PAPPA2: variants seen among roughly 807,000 people sequenced by gnomAD.
The protein encoded by PAPPA2 is pappalysin-2.
Under a neutral mutation model 176.4 loss-of-function variants are expected in PAPPA2, and 86 were observed. The ratio of observed to expected loss-of-function variants is 0.49; its 90% CI spans 0.41 to 0.58. The LOEUF (loss-of-function observed/expected upper bound fraction) is 0.58. Ranked by LOEUF, PAPPA2 falls within the 20% of genes least tolerant of loss-of-function variation. The pLI is 0.00. For missense variants in PAPPA2, 2,073 were observed against 2,256.9 expected (o/e 0.92, Z 1.65); for synonymous variants, 809 against 852.2 (o/e 0.95, Z 0.88).
At chr1:176,727,225 A>G (rs34143300) in intron 12 of PAPPA2, among the ~76,000 whole-genome samples, 12,502 of 152,230 alleles carry the variant, frequency 0.082, 588 homozygotes, top group Middle Eastern at 0.12. Context: ...ACCCACCTAT[A>G]TCATTAATTA....
intron 14 of PAPPA2, among the ~76,000 whole-genome samples, chr1:176,760,813 T>C (rs1663663322): frequency 6.6e-6 from 1 of 152,014 alleles, no homozygotes; most frequent in Admixed American, 6.6e-5. Flanking sequence ...GTTTTTTTGT[T>C]TTTGTTTTTT....
At chr1:176,632,888 G>C (rs1011516170) in intron 3 of PAPPA2, among the ~76,000 whole-genome samples, 4 of 152,022 alleles carry the variant, frequency 2.6e-5, no homozygotes, top group African/African-American at 9.7e-5. Flanking sequence ...CAATCAACAA[G>C]ATGAAGCTGG....
intron 3 of PAPPA2, among the ~76,000 whole-genome samples, chr1:176,621,183 T>A (rs775087128): frequency 6.6e-6 from 1 of 152,236 alleles, no homozygotes; most frequent in South Asian, 2.1e-4. Flanking sequence ...AATCTATTCT[T>A]CTGAGGTTGA....
chr1:176,711,320 G>A (rs941275645), intron 11 of PAPPA2, among the ~76,000 whole-genome samples: 4 of 152,112 alleles, frequency 2.6e-5, no homozygotes, highest in Admixed American at 1.3e-4. Flanking sequence ...AGGGAAGTTG[G>A]GAGATTCTGA....
At chr1:176,501,976 G>A (rs938800636) in intron 1 of PAPPA2, among the ~76,000 whole-genome samples, 5 of 152,112 alleles carry the variant, frequency 3.3e-5, no homozygotes, top group African/African-American at 1.2e-4. Flanking sequence ...GAATACATGA[G>A]TGAAAAAACA....
At chr1:176,692,660 C>T (rs1237914338) in intron 6 of PAPPA2, among the ~76,000 whole-genome samples, 1 of 152,184 alleles carries the variant, frequency 6.6e-6, no homozygotes, top group Non-Finnish European at 1.5e-5. Flanking sequence ...TGGCAGCTTG[C>T]CACTTGCAGA....
At chr1:176,664,056 T>C (rs1658494209) in intron 3 of PAPPA2, among the ~76,000 whole-genome samples, 1 of 152,192 alleles carries the variant, frequency 6.6e-6, no homozygotes, top group Non-Finnish European at 1.5e-5. Context: ...ACAAATCTTT[T>C]CATTTGATAC....
chr1:176,556,334 AAAGATCC>A lies in PAPPA2; in HGVS notation c.13_19del (p.Lys5Ter). Reference sequence around the variant, plus strand: ...GAGCTAGGGGAGGTATGATGTGCTTAAAGATCCTAAGAATAAGCCTGGCGATTTTGGC... The same window carrying A: ...GAGCTAGGGGAGGTATGATGTGCTTATAAGAATAAGCCTGGCGATTTTGGC... On this transcript the variant is annotated frameshift_variant, in exon 2 of 23. Transcript: ENST00000367662. LOFTEE classifies it high-confidence loss of function. 6.2e-7 allele frequency: 1 copy of A among 1,613,866 alleles called. No individual in the cohort carries two copies. Among genetic ancestry groups the A allele is most frequent in the Non-Finnish European group, 8.5e-7 (1 of 1,179,860 alleles).
At chr1:176,610,157 C>T (rs1654829323) in intron 3 of PAPPA2, among the ~76,000 whole-genome samples, 1 of 152,090 alleles carries the variant, frequency 6.6e-6, no homozygotes, top group Non-Finnish European at 1.5e-5. Flanking sequence ...GTCCTCTCTA[C>T]TGTACTCTGC....
Position 176,844,657 on chromosome 1 carries a change from GT to G in PAPPA2, c.*2206del, listed in dbSNP as rs1357017623. ...TCAATATGCAAAGGACAATGGAAAA[GT>G]TTAGACACTCTATTTTCAAAATTTT... On this transcript the variant is annotated 3_prime_UTR_variant, in exon 23 of 23. Coordinates refer to ENST00000367662, the MANE Select transcript of PAPPA2 (RefSeq NM_020318.3). The G allele has an allele frequency of 6.6e-6, 1 of 152,132 alleles. No homozygotes were observed. The highest frequency in any genetic ancestry group is 1.5e-5 in the Non-Finnish European group (1 of 68,016). 9.4% of individuals were successfully genotyped at this position (152,132 alleles called of 1,614,324 possible). A position where few individuals can be genotyped will look rare whatever the true frequency, so the allele number is the denominator to read the frequency against.
intron 14 of PAPPA2, among the ~76,000 whole-genome samples, 190 bp downstream of exon 14, chr1:176,740,386 G>A (rs1043968301): frequency 2.0e-5 from 3 of 152,068 alleles, no homozygotes; most frequent in East Asian, 1.9e-4. Flanking sequence ...TTTATATTTT[G>A]TTCTTCTTTC....
At chr1:176,812,326 A>G (rs1236502123) in intron 21 of PAPPA2, among the ~76,000 whole-genome samples, 1 of 151,972 alleles carries the variant, frequency 6.6e-6, no homozygotes, top group South Asian at 2.1e-4. Flanking sequence ...CAGAAATGCT[A>G]CCATCTTTTC....
At chr1:176,823,038 A>G (rs1666724338) in intron 21 of PAPPA2, among the ~76,000 whole-genome samples, 1 of 152,250 alleles carries the variant, frequency 6.6e-6, no homozygotes, top group African/African-American at 2.4e-5. Context: ...AATAACAATT[A>G]ACAATATAAT....
chr1:176,792,628 G>C (rs997982826), intron 19 of PAPPA2, among the ~76,000 whole-genome samples: 5 of 152,088 alleles, frequency 3.3e-5, no homozygotes, highest in African/African-American at 1.2e-4. Flanking sequence ...TCGTCGGTGG[G>C]TGCAGCGCAC....
intron 1 of PAPPA2, among the ~76,000 whole-genome samples, chr1:176,465,496 T>C (rs1651576832): frequency 6.6e-6 from 1 of 152,218 alleles, no homozygotes; most frequent in Non-Finnish European, 1.5e-5. Context: ...CTATATTTAT[T>C]GGGCACATAT....
chr1:176,525,046 A>C (rs1234583500), intron 1 of PAPPA2, among the ~76,000 whole-genome samples: 1 of 152,038 alleles, frequency 6.6e-6, no homozygotes, highest in Non-Finnish European at 1.5e-5. Context: ...CGTCTCAAAA[A>C]AAAAAAGTTA....
At chr1:176,631,105 G>C (rs1346842031) in intron 3 of PAPPA2, among the ~76,000 whole-genome samples, 1 of 152,178 alleles carries the variant, frequency 6.6e-6, no homozygotes, top group East Asian at 1.9e-4. Context: ...AAGAAAGCTG[G>C]GAGGCTATGT....
intron 13 of PAPPA2, 52 bp downstream of exon 13, chr1:176,739,813 C>A: frequency 6.3e-7 from 1 of 1,598,932 alleles, no homozygotes; most frequent in African/African-American, 1.3e-5. Context: ...CCCGGTAGAC[C>A]CAGAAGTCAG....
At chr1:176,465,188 G>A (rs1466068397) in intron 1 of PAPPA2, among the ~76,000 whole-genome samples, 1 of 152,116 alleles carries the variant, frequency 6.6e-6, no homozygotes, top group African/African-American at 2.4e-5. Flanking sequence ...TTTTTGCTGT[G>A]GTAAATGCTA....
Sources: gnomAD v4.1 joint callset for allele counts (sites outside exome capture counted in the v4.1 genomes callset) on GRCh38, gnomAD v4.1.1 for gene constraint, MANE v1.5 for transcripts, NCBI Gene and HGNC (gene_info 2026-07-23, HGNC 2026-07-21) for gene names.